Variants in AVEN observed in about 807,000 individuals in gnomAD.
AVEN encodes apoptosis and caspase activation inhibitor, also known as cell death regulator Aven.
A neutral mutation model predicts 38.1 loss-of-function variants in AVEN; 41 were observed. The observed-to-expected ratio is 1.08, with a 90% CI of 0.84 to 1.40. The LOEUF is 1.40. Among genes scored for constraint, AVEN ranks in the 40% most tolerant of loss-of-function variants. AVEN has a pLI of 0.00. For synonymous variants in AVEN, 206 were observed against 171.8 expected (o/e 1.20, Z -1.56); for missense variants, 605 against 438.8 (o/e 1.38, Z -3.38).
intron 2 of AVEN, among the ~76,000 whole-genome samples, chr15:33,997,956 C>T (rs12050691): frequency 0.21 from 31,779 of 151,976 alleles, 5,121 homozygotes; most frequent in African/African-American, 0.45. Flanking sequence ...CATTTTCCTA[C>T]TTGGAAAATA....
chr15:33,872,941 C>T (rs572035653), intron 3 of AVEN, among the ~76,000 whole-genome samples: 9 of 151,942 alleles, frequency 5.9e-5, no homozygotes, highest in Non-Finnish European at 1.2e-4. Context: ...CTTCACCCTG[C>T]GTATCAGCCA....
chr15:33,868,568 A>AG (rs1491187497), intron 4 of AVEN, among the ~76,000 whole-genome samples: 1 of 148,016 alleles, frequency 6.8e-6, no homozygotes, highest in South Asian at 2.2e-4. Flanking sequence ...AAAAAAAAAA[A>AG]GTCACCAGGA....
At chr15:33,854,489 G>C (rs779211749), downstream of AVEN, 23 of 1,487,638 alleles carry the variant, frequency 1.5e-5, no homozygotes, top group Middle Eastern at 1.7e-4. Flanking sequence ...CTATACCCCA[G>C]TTCAGGGATG....
intron 2 of AVEN, among the ~76,000 whole-genome samples, chr15:33,955,135 T>A (rs1039689112): frequency 1.3e-5 from 2 of 152,214 alleles, no homozygotes; most frequent in Non-Finnish European, 2.9e-5. Flanking sequence ...TAACCTTAAG[T>A]GTCAGAAAAT....
At chr15:34,068,813 A>ATTTT (rs147560221) in intron 2 of AVEN, among the ~76,000 whole-genome samples, 2,501 of 136,460 alleles carry the variant, frequency 0.018, 133 homozygotes, top group African/African-American at 0.048. Context: ...CTACAATCCA[A>ATTTT]TTTTTTTTTT....
chr15:33,909,515 G>A (rs188744941), intron 2 of AVEN, among the ~76,000 whole-genome samples: 9 of 152,258 alleles, frequency 5.9e-5, no homozygotes, highest in Admixed American at 4.6e-4. Flanking sequence ...CTTGTAGTAA[G>A]GAAGAAAACT....
chr15:33,858,331 A>G (rs977344027), downstream of AVEN: 2 of 174,862 alleles, frequency 1.1e-5, no homozygotes, highest in African/African-American at 4.8e-5. Context: ...CAGCCTCCCT[A>G]GTAGCTGGGA....
At chr15:34,028,519 CA>C (rs1898605267) in intron 1 of AVEN, among the ~76,000 whole-genome samples, 1 of 152,178 alleles carries the variant, frequency 6.6e-6, no homozygotes, top group Non-Finnish European at 1.5e-5. Flanking sequence ...GAGCTATCAT[CA>C]TGCCATGGGC....
chr15:34,062,289 C>T (rs978126943), intron 5 of AVEN, among the ~76,000 whole-genome samples: 4 of 152,200 alleles, frequency 2.6e-5, no homozygotes, highest in African/African-American at 9.6e-5. Flanking sequence ...GGCGCGGTGG[C>T]TCACGCCTGT....
At chr15:33,877,501 C>T (rs117208417) in intron 2 of AVEN, among the ~76,000 whole-genome samples, 5,135 of 152,288 alleles carry the variant, frequency 0.034, 162 homozygotes, top group Non-Finnish European at 0.039. Context: ...CTCTCTAATA[C>T]ACAAACAAAA....
At chr15:34,009,608 A>G (rs956422072) in intron 1 of AVEN, among the ~76,000 whole-genome samples, 2 of 152,350 alleles carry the variant, frequency 1.3e-5, no homozygotes, top group Non-Finnish European at 2.9e-5. Flanking sequence ...GACTACATAA[A>G]TATCAGACAA....
At chr15:33,937,328 A>G (rs1894114709) in intron 2 of AVEN, among the ~76,000 whole-genome samples, 1 of 150,798 alleles carries the variant, frequency 6.6e-6, no homozygotes, top group African/African-American at 2.4e-5. Context: ...AGGTCAGGAG[A>G]TTGAGACCAT....
chr15:33,855,204 C>CTT (rs201635608), downstream of AVEN, among the ~76,000 whole-genome samples: 15 of 147,530 alleles, frequency 1.0e-4, no homozygotes, highest in African/African-American at 2.2e-4. Context: ...CCTTGGAGAT[C>CTT]TTTTTTTTTT....
At chr15:33,861,551 C>T (rs796571471), downstream of AVEN, among the ~76,000 whole-genome samples, 11 of 151,642 alleles carry the variant, frequency 7.3e-5, 1 homozygote, top group African/African-American at 2.7e-4. Context: ...TGCCCTACTT[C>T]TTTTTCCCTT....
chr15:33,879,303 C>CA lies in AVEN; in HGVS notation c.446-3309dup, dbSNP rs562306443. ...CATTCTCAGTAAACTATCGCAAGGA[C>CA]AAAAAAACAAACACCGCATGTTCTC... On this transcript the variant is annotated intron_variant, in intron 2 of 5. Transcript: ENST00000306730. Among the ~76,000 whole-genome samples the CA allele has an allele frequency of 8.4e-4, 124 of 147,858 alleles. 1 individual carries two copies. The highest frequency in any genetic ancestry group is 3.1e-3 in the African/African-American group (123 of 39,828).
At chr15:34,034,506 A>T (rs1250093147) in intron 1 of AVEN, among the ~76,000 whole-genome samples, 1 of 152,118 alleles carries the variant, frequency 6.6e-6, no homozygotes, top group Non-Finnish European at 1.5e-5. Context: ...TTTATTTAAA[A>T]AGTCAATATA....
intron 5 of AVEN, among the ~76,000 whole-genome samples, chr15:33,866,936 G>C (rs1360461606): frequency 6.7e-6 from 1 of 150,178 alleles, no homozygotes; most frequent in African/African-American, 2.4e-5. Flanking sequence ...TTGCTAGTTG[G>C]TTTTTTTTTC....
At chr15:33,967,493 A>G (rs1466613498) in intron 2 of AVEN, among the ~76,000 whole-genome samples, 1 of 152,088 alleles carries the variant, frequency 6.6e-6, no homozygotes, top group Admixed American at 6.5e-5. Flanking sequence ...ATATTTTAGC[A>G]AAGAATTGAA....
At chr15:33,940,538 T>C (rs1013182137) in intron 2 of AVEN, among the ~76,000 whole-genome samples, 3 of 151,958 alleles carry the variant, frequency 2.0e-5, no homozygotes, top group Non-Finnish European at 2.9e-5. Flanking sequence ...CTTTGCAAGA[T>C]GTGAAATTCC....
Sources: allele counts gnomAD v4.1 joint callset (sites outside exome capture counted in the v4.1 genomes callset), GRCh38; gene constraint gnomAD v4.1.1; transcripts MANE v1.5; gene names NCBI Gene and HGNC (gene_info 2026-07-23, HGNC 2026-07-21).